RAB27A: variants seen among roughly 807,000 people sequenced by gnomAD.
RAB27A encodes the protein RAB27A, member RAS oncogene family.
Under a neutral mutation model 20.8 loss-of-function variants are expected in RAB27A, and 17 were observed. That is an observed-to-expected ratio of 0.82 (90% CI 0.56 to 1.23). The LOEUF (loss-of-function observed/expected upper bound fraction) is 1.23, where lower values mean the gene tolerates loss of function less well. Among genes scored for constraint, RAB27A ranks in the 50% most tolerant of loss-of-function variants. The pLI is 0.00. For synonymous variants in RAB27A, 85 were observed against 92.8 expected (o/e 0.92, Z 0.48); for missense variants, 277 against 266.7 (o/e 1.04, Z -0.27).
chr15:55,203,236 G>A lies in RAB27A; in HGVS notation c.*2271C>T, dbSNP rs1894476891. The A allele has an allele frequency of 6.6e-6, 1 of 152,044 alleles. No homozygotes were observed. The highest frequency in any genetic ancestry group is 2.4e-5 in the African/African-American group (1 of 41,366). 9.4% of individuals were successfully genotyped at this position (152,044 alleles called of 1,614,324 possible). A position where few individuals can be genotyped will look rare whatever the true frequency, so the allele number is the denominator to read the frequency against. On this transcript the variant is annotated 3_prime_UTR_variant, in exon 7 of 7. Coordinates refer to ENST00000336787, the MANE Select transcript of RAB27A (RefSeq NM_183235.3). ...ATAGCTAATTACTCATTTGGTTCTTGAAAACTGAAACATGCAAACATTCTT... is the reference window on the plus strand; with the variant it reads ...ATAGCTAATTACTCATTTGGTTCTTAAAAACTGAAACATGCAAACATTCTT...
chr15:55,281,063 G>A (rs983887114), intron 1 of RAB27A, among the ~76,000 whole-genome samples: 1 of 152,184 alleles, frequency 6.6e-6, no homozygotes, highest in African/African-American at 2.4e-5. Flanking sequence ...TCTAGTTCTA[G>A]ATCCTTGAGG....
intron 1 of RAB27A, among the ~76,000 whole-genome samples, chr15:55,274,812 A>ATATATATATATATG (rs1188161971): frequency 7.4e-6 from 1 of 135,698 alleles, no homozygotes; most frequent in African/African-American, 2.6e-5. Flanking sequence ...ATATATATAT[A>ATATATATATATATG]TATATATATA....
intron 2 of RAB27A, among the ~76,000 whole-genome samples, chr15:55,310,071 T>TA (rs2055013767): frequency 6.6e-6 from 1 of 152,074 alleles, no homozygotes; most frequent in African/African-American, 2.4e-5. Flanking sequence ...TTCAGGTGTA[T>TA]AATGGCCCCT....
chr15:55,215,776 T>C (rs1895265210), intron 6 of RAB27A, among the ~76,000 whole-genome samples: 1 of 149,430 alleles, frequency 6.7e-6, no homozygotes, highest in East Asian at 2.0e-4. Flanking sequence ...AGAAACCCCG[T>C]CTCTACTAAA....
intron 1 of RAB27A, among the ~76,000 whole-genome samples, chr15:55,280,398 A>G (rs1262784964): frequency 6.6e-6 from 1 of 151,982 alleles, no homozygotes; most frequent in Non-Finnish European, 1.5e-5. Flanking sequence ...CTAGAGCAGT[A>G]TTTAAAATAA....
intron 1 of RAB27A, among the ~76,000 whole-genome samples, chr15:55,279,361 T>C (rs1897956366): frequency 2.0e-5 from 3 of 152,176 alleles, no homozygotes; most frequent in South Asian, 2.1e-4. Flanking sequence ...GGATATGTGA[T>C]GAAAATCCAA....
rs183201993 is a variant in RAB27A at position 55,256,514 on chromosome 15, T to C, written c.-23+13651A>G. 3.3e-5 allele frequency among the ~76,000 whole-genome samples: 5 copies of C among 152,336 alleles called. No homozygotes were observed. The East Asian group carries it at 5.8e-4, about 18-fold the overall frequency. On this transcript the variant is annotated intron_variant, in intron 2 of 6. Transcript: ENST00000336787. Reference sequence around the variant, plus strand: ...CAAAGCCAGGCAAGATTTAGCTAGATAGTGAAGAATAGGATACACAGCATG... The same window carrying C: ...CAAAGCCAGGCAAGATTTAGCTAGACAGTGAAGAATAGGATACACAGCATG...
rs4340274 is a variant in RAB27A at position 55,228,700 on chromosome 15, T to C, written c.252A>G (p.Leu84=). Residue 84 remains leucine (L), a synonymous_variant, in exon 5 of 7, where the codon TTA becomes TTG. Transcript: ENST00000336787. ...DTAGQERFRS[L]TTAFFRDAMG... is the part of the protein sequence containing the mutation. ...TAGCATCTCTGAAGAACGCTGTCGT[T>C]AAGCTACGAAACCTAGGAACATAAA... is the stretch of plus-strand genomic sequence containing the variant. The C allele has an allele frequency of 8.1e-6, 13 of 1,612,928 alleles. No homozygotes were observed. In the African/African-American group the frequency reaches 1.6e-4, roughly 20 times the overall value.
intron 2 of RAB27A, among the ~76,000 whole-genome samples, chr15:55,257,868 C>A (rs145315108): frequency 6.6e-6 from 1 of 152,134 alleles, no homozygotes; most frequent in African/African-American, 2.4e-5. Flanking sequence ...AGGTGGGCAC[C>A]TATAATCCCG....
At chr15:55,246,183 T>A (rs1896678607) in intron 2 of RAB27A, among the ~76,000 whole-genome samples, 2 of 151,960 alleles carry the variant, frequency 1.3e-5, no homozygotes, top group African/African-American at 4.8e-5. Flanking sequence ...ATCTTCCAGA[T>A]GTTCATAATT....
At chr15:55,308,343 A>G (rs1014287394) in intron 2 of RAB27A, among the ~76,000 whole-genome samples, 1 of 152,212 alleles carries the variant, frequency 6.6e-6, no homozygotes, top group Non-Finnish European at 1.5e-5. Context: ...CTGCATGGGC[A>G]TGGAGGACTA....
intron 6 of RAB27A, among the ~76,000 whole-genome samples, chr15:55,207,101 C>T (rs1165875167): frequency 1.3e-5 from 2 of 152,122 alleles, no homozygotes; most frequent in Non-Finnish European, 2.9e-5. Context: ...GGTATATTAA[C>T]TCACACCCAT....
chr15:55,306,867 A>T (rs1421874190), intron 2 of RAB27A, among the ~76,000 whole-genome samples: 1 of 152,152 alleles, frequency 6.6e-6, no homozygotes, highest in Non-Finnish European at 1.5e-5. Context: ...AGAAAAATAC[A>T]ATAAGGGAGG....
rs1894562478 is a variant in RAB27A at position 55,204,793 on chromosome 15, A to G, written c.*714T>C. The G allele has an allele frequency of 6.5e-6, 1 of 152,920 alleles. No individual in the cohort carries two copies. The highest frequency in any genetic ancestry group is 2.4e-5 in the African/African-American group (1 of 41,430). The allele number at this position is 152,920 out of a possible 1,614,324, so 9.5% of individuals were successfully genotyped here. A position where few individuals can be genotyped will look rare whatever the true frequency, so the allele number is the denominator to read the frequency against. ...CAATCAACCATTCAGAGCAATGGGA[A>G]TATAGCGGGGAGACAGAAGTCCCAC... On this transcript the variant is annotated 3_prime_UTR_variant, in exon 7 of 7. Coordinates refer to ENST00000336787, the MANE Select transcript of RAB27A (RefSeq NM_183235.3).
At chr15:55,273,483 C>A (rs968119512) in intron 1 of RAB27A, among the ~76,000 whole-genome samples, 1 of 150,650 alleles carries the variant, frequency 6.6e-6, no homozygotes, top group East Asian at 1.9e-4. Context: ...AAATAAGATA[C>A]AATTATTTGC....
chr15:55,217,426 G>A (rs1004456650), intron 6 of RAB27A, among the ~76,000 whole-genome samples: 1 of 151,924 alleles, frequency 6.6e-6, no homozygotes, highest in Non-Finnish European at 1.5e-5. Flanking sequence ...TTGGGAGGCC[G>A]AGACTTGTGC....
At chr15:55,238,469 C>A (rs1238106028) in intron 2 of RAB27A, 54 of 152,110 alleles carry the variant, frequency 3.6e-4, no homozygotes, top group Non-Finnish European at 4.4e-5. Flanking sequence ...TGTCTTTGAG[C>A]CTTAGATTTC....
At chr15:55,307,700 G>A (rs2055003777) in intron 2 of RAB27A, among the ~76,000 whole-genome samples, 1 of 150,846 alleles carries the variant, frequency 6.6e-6, no homozygotes, top group Non-Finnish European at 1.5e-5. Flanking sequence ...AGTAGACACT[G>A]AAATCCCTGT....
At chr15:55,253,310 G>A (rs554662872) in intron 2 of RAB27A, among the ~76,000 whole-genome samples, 6 of 151,816 alleles carry the variant, frequency 4.0e-5, no homozygotes, top group South Asian at 4.2e-4. Context: ...AGCCGGGCAC[G>A]GTGGCGGGTG....
Sources: allele counts gnomAD v4.1 joint callset (sites outside exome capture counted in the v4.1 genomes callset), GRCh38; gene constraint gnomAD v4.1.1; transcripts MANE v1.5; gene names NCBI Gene and HGNC (gene_info 2026-07-23, HGNC 2026-07-21).